Variants in TOX observed in about 807,000 individuals in gnomAD.
TOX encodes thymocyte selection associated high mobility group box, also known as thymocyte selection-associated high mobility group box protein TOX.
TOX carries 11 observed loss-of-function variants against 53.7 expected under a neutral mutation model. The observed-to-expected ratio is 0.20, with a 90% confidence interval of 0.13 to 0.34. TOX has a LOEUF of 0.34. Among genes scored for constraint, TOX ranks in the 10% least tolerant of loss-of-function variants. TOX has a pLI of 1.00. For missense variants in TOX, 570 were observed against 664.6 expected (o/e 0.86, Z 1.56); for synonymous variants, 225 against 245.3 (o/e 0.92, Z 0.77).
chr8:58,878,496 T>C (rs908564740), intron 3 of TOX, among the ~76,000 whole-genome samples: 2 of 152,218 alleles, frequency 1.3e-5, no homozygotes, highest in Non-Finnish European at 2.9e-5. Flanking sequence ...TTTAGGTGAA[T>C]GTTGAGATAA....
At chr8:58,885,265 C>T (rs751877205) in intron 3 of TOX, among the ~76,000 whole-genome samples, 3 of 151,996 alleles carry the variant, frequency 2.0e-5, no homozygotes, top group African/African-American at 7.3e-5. Flanking sequence ...ATTACTGGTA[C>T]CTTATTTTAA....
At chr8:58,829,657 G>C (rs1810420866) in intron 5 of TOX, among the ~76,000 whole-genome samples, 1 of 152,014 alleles carries the variant, frequency 6.6e-6, no homozygotes, top group Non-Finnish European at 1.5e-5. Flanking sequence ...CTACCTGATG[G>C]CTCCCATTTT....
intron 1 of TOX, among the ~76,000 whole-genome samples, chr8:59,043,628 T>TAGTG: frequency 6.6e-6 from 1 of 152,328 alleles, no homozygotes; most frequent in East Asian, 1.9e-4. Context: ...GTCAACTGTG[T>TAGTG]AGTGTTAAAA....
At chr8:58,976,072 TA>T (rs35306002) in intron 1 of TOX, among the ~76,000 whole-genome samples, 101,784 of 148,894 alleles carry the variant, frequency 0.68, 35,800 homozygotes, top group East Asian at 0.83. Flanking sequence ...CTCCGTCTAA[TA>T]AAAAAAAAAA....
chr8:58,850,283 A>G (rs535692778), intron 4 of TOX, among the ~76,000 whole-genome samples: 15 of 152,230 alleles, frequency 9.9e-5, no homozygotes, highest in Non-Finnish European at 2.2e-4. Context: ...TGGAAAGAGA[A>G]GGCACAGCAG....
intron 3 of TOX, among the ~76,000 whole-genome samples, chr8:58,864,336 T>C (rs1451772845): frequency 6.6e-6 from 1 of 152,200 alleles, no homozygotes; most frequent in East Asian, 1.9e-4. Context: ...ACTTAGTCTG[T>C]AGTTTCAAGA....
chr8:59,062,360 C>T (rs572790835), intron 1 of TOX, among the ~76,000 whole-genome samples: 15 of 152,122 alleles, frequency 9.9e-5, no homozygotes, highest in Non-Finnish European at 8.8e-5. Context: ...CAAATGAATC[C>T]GCTTTAGAGC....
chr8:59,067,470 G>T (rs987804271), intron 1 of TOX, among the ~76,000 whole-genome samples: 4 of 151,910 alleles, frequency 2.6e-5, no homozygotes, highest in Non-Finnish European at 2.9e-5. Context: ...ACGAGAAATC[G>T]CTTGAACCCA....
At chr8:58,910,973 C>G (rs1329525247) in intron 3 of TOX, among the ~76,000 whole-genome samples, 1 of 152,102 alleles carries the variant, frequency 6.6e-6, no homozygotes, top group Admixed American at 6.5e-5. Context: ...AAAGTTATTC[C>G]TATATTTAAA....
At chr8:59,046,858 C>CAAAA (rs34869193) in intron 1 of TOX, among the ~76,000 whole-genome samples, 85 of 77,822 alleles carry the variant, frequency 1.1e-3, no homozygotes, top group African/African-American at 3.1e-3. Context: ...GACTATGTCT[C>CAAAA]AAAAAAAAAA....
chr8:58,886,417 T>C (rs1811469188), intron 3 of TOX, among the ~76,000 whole-genome samples: 2 of 152,142 alleles, frequency 1.3e-5, no homozygotes, highest in Non-Finnish European at 1.5e-5. Context: ...GGAAACTGGA[T>C]GCCTTCCTTG....
Position 58,851,145 on chromosome 8 carries a change from C to CCT in TOX, c.693+377_693+378dup, listed in dbSNP as rs1554524157. Among the ~76,000 whole-genome samples the CCT allele has an allele frequency of 5.1e-5, 6 of 118,312 alleles. No individual in the cohort carries two copies. Among genetic ancestry groups the CCT allele is most frequent in the South Asian group, 2.7e-4 (1 of 3,644 alleles). 77.6% of individuals were successfully genotyped at this position (118,312 alleles called of 152,430 possible). A position where few individuals can be genotyped will look rare whatever the true frequency, so the allele number is the denominator to read the frequency against. ...CATGTAACATCATCACCATACATCT[C>CCT]CTCTCTCTCTCTGTCTCTCTCTCTC... On this transcript the variant is annotated intron_variant, in intron 4 of 8. Transcript: ENST00000361421. The surrounding 1 kb of genome is among the most constrained non-coding windows in gnomAD (Gnocchi z 4.4).
chr8:58,810,136 C>A (rs1349103890), intron 7 of TOX, among the ~76,000 whole-genome samples: 1 of 151,882 alleles, frequency 6.6e-6, no homozygotes, highest in Non-Finnish European at 1.5e-5. Context: ...CAGGTGTGTG[C>A]CACTATGCCT....
At position 58,977,983 on chromosome 8, in the gene TOX, T is replaced by C. The variant is rs76048762; in HGVS notation, c.103-17975A>G. On this transcript the variant is annotated intron_variant, in intron 1 of 8. Coordinates refer to ENST00000361421, the MANE Select transcript of TOX (RefSeq NM_014729.3). Reference sequence around the variant, plus strand: ...TTGTTAGAAAATGGCGCTAAAAGACTCTTGCTTAATGTGGGGTAGCCACAA... The same window carrying C: ...TTGTTAGAAAATGGCGCTAAAAGACCCTTGCTTAATGTGGGGTAGCCACAA... Among the ~76,000 whole-genome samples, 955 of 152,268 alleles carry C rather than the reference T, an allele frequency of 6.3e-3. 47 individuals are homozygous for C. In the East Asian group the frequency reaches 0.088, roughly 14 times the overall value.
intron 1 of TOX, among the ~76,000 whole-genome samples, chr8:59,041,723 C>T (rs1803590321): frequency 6.6e-6 from 1 of 152,084 alleles, no homozygotes; most frequent in African/African-American, 2.4e-5. Flanking sequence ...CAATAGGCAT[C>T]GAAGTTAAAG....
chr8:58,985,579 AG>A (rs1379186159), intron 1 of TOX, among the ~76,000 whole-genome samples: 16 of 152,214 alleles, frequency 1.1e-4, no homozygotes, highest in Non-Finnish European at 2.2e-4. Context: ...GTTACACAAC[AG>A]TGTGAATATA....
At chr8:58,937,263 G>A (rs1289624558) in intron 3 of TOX, among the ~76,000 whole-genome samples, 1 of 152,194 alleles carries the variant, frequency 6.6e-6, no homozygotes, top group Non-Finnish European at 1.5e-5. Flanking sequence ...CCAAATAGTA[G>A]ATTTGTTTCC....
chr8:58,895,111 C>T (rs948033479), intron 3 of TOX, among the ~76,000 whole-genome samples: 5 of 151,950 alleles, frequency 3.3e-5, no homozygotes, highest in East Asian at 1.9e-4. Flanking sequence ...TCGCTTCAAC[C>T]GGGGAGGGGG....
intron 1 of TOX, among the ~76,000 whole-genome samples, chr8:59,037,073 C>G (rs1416727579): frequency 6.6e-6 from 1 of 151,824 alleles, no homozygotes; most frequent in African/African-American, 2.4e-5. Context: ...GTCATTTTCT[C>G]ATCTGTCAGA....
Sources: allele counts gnomAD v4.1 joint callset (sites outside exome capture counted in the v4.1 genomes callset), GRCh38; gene constraint gnomAD v4.1.1; non-coding constraint Gnocchi (gnomAD v3.1); transcripts MANE v1.5; gene names NCBI Gene and HGNC (gene_info 2026-07-23, HGNC 2026-07-21).